CHMP3: variants seen among roughly 807,000 people sequenced by gnomAD.
CHMP3 encodes 25.1 protein.
CHMP3 carries 8 observed loss-of-function variants against 27.4 expected under a neutral mutation model. The observed-to-expected ratio is 0.29, with a 90% CI of 0.17 to 0.53. CHMP3 has a LOEUF of 0.53. Among genes scored for constraint, CHMP3 ranks in the 20% least tolerant of loss-of-function variants. The pLI, the probability that CHMP3 is intolerant of heterozygous loss-of-function variation, is 0.96. For synonymous variants in CHMP3, 86 were observed against 85.5 expected, an observed-to-expected ratio of 1.01 and a Z score of -0.03; for missense variants, 208 against 271.5, an observed-to-expected ratio of 0.77 and a Z score of 1.64.
At chr2:86,533,900 T>G (rs1399234320) in intron 2 of CHMP3, among the ~76,000 whole-genome samples, 3 of 152,230 alleles carry the variant, frequency 2.0e-5, no homozygotes, top group African/African-American at 7.2e-5. Flanking sequence ...TTTACTTGTC[T>G]GTAAGTATTT....
rs949384314 is a variant in CHMP3 at position 86,507,667 on chromosome 2, A to C, written c.409-74T>G. On this transcript the variant is annotated intron_variant, in intron 4 of 5. Coordinates refer to ENST00000263856, the MANE Select transcript of CHMP3 (RefSeq NM_016079.4). ...ATCAGACACCCTACACATCACCTAGACCGAGCTCTAGCCTAAGTCCAGTCT... is the reference window on the plus strand; with the variant it reads ...ATCAGACACCCTACACATCACCTAGCCCGAGCTCTAGCCTAAGTCCAGTCT... 1.5e-5 allele frequency: 20 copies of C among 1,315,782 alleles called. No individual in the cohort carries two copies. The Admixed American group carries it at 3.2e-4, about 21-fold the overall frequency. 81.5% of individuals were successfully genotyped at this position (1,315,782 alleles called of 1,614,324 possible). A position where few individuals can be genotyped will look rare whatever the true frequency, so the allele number is the denominator to read the frequency against.
chr2:86,559,328 C>T (rs576198099), intron 1 of CHMP3, among the ~76,000 whole-genome samples: 11 of 152,342 alleles, frequency 7.2e-5, no homozygotes, highest in Admixed American at 5.2e-4. Context: ...GCCTTCAACC[C>T]TGGACTGAGC....
intron 1 of CHMP3, among the ~76,000 whole-genome samples, chr2:86,545,323 C>T (rs556335325): frequency 4.8e-5 from 3 of 62,958 alleles, no homozygotes; most frequent in Non-Finnish European, 9.4e-5. Flanking sequence ...CGGGCAGAGG[C>T]GCTCCTCACC....
chr2:86,549,866 C>T (rs368402123), intron 1 of CHMP3, among the ~76,000 whole-genome samples: 4 of 149,758 alleles, frequency 2.7e-5, no homozygotes, highest in African/African-American at 7.4e-5. Flanking sequence ...ATGGGGCAGC[C>T]GGGCAGAGGC....
chr2:86,507,694 T>A (rs1382064437), intron 4 of CHMP3, 101 bp from the exon 5 acceptor site: 3 of 954,508 alleles, frequency 3.1e-6, no homozygotes, highest in Non-Finnish European at 5.0e-6. Flanking sequence ...GTCCAGTCTA[T>A]CCTTTCAAGA....
intron 1 of CHMP3, among the ~76,000 whole-genome samples, chr2:86,562,431 T>G (rs1351646211): frequency 3.3e-5 from 5 of 152,182 alleles, no homozygotes; most frequent in Non-Finnish European, 7.3e-5. Context: ...TCCCAGGTGA[T>G]GTTGATGCTG....
intron 3 of CHMP3, chr2:86,527,107 C>T (rs899557827): frequency 1.4e-4 from 21 of 151,544 alleles, no homozygotes; most frequent in Non-Finnish European, 2.2e-4. Flanking sequence ...TACAACAAAA[C>T]GTTAAATTGT....
chr2:86,546,737 C>T (rs974091461), intron 1 of CHMP3, among the ~76,000 whole-genome samples: 4 of 152,218 alleles, frequency 2.6e-5, no homozygotes, highest in East Asian at 1.9e-4. Context: ...TGCACCCAGC[C>T]GAAGTTGGAC....
chr2:86,549,938 C>T (rs1190008177), intron 1 of CHMP3, among the ~76,000 whole-genome samples: 2 of 151,910 alleles, frequency 1.3e-5, no homozygotes, highest in African/African-American at 2.4e-5. Context: ...AGACAATGGG[C>T]GGCTGGGCTG....
intron 2 of CHMP3, among the ~76,000 whole-genome samples, chr2:86,534,196 CTTTTTTT>C (rs33977886): frequency 6.0e-5 from 4 of 66,902 alleles, no homozygotes; most frequent in Admixed American, 4.4e-4. Flanking sequence ...TGCTTTATTT[CTTTTTTT>C]TTTTTTTTTT....
chr2:86,521,922 T>C (rs538122924), intron 3 of CHMP3, among the ~76,000 whole-genome samples: 1 of 152,348 alleles, frequency 6.6e-6, no homozygotes, highest in African/African-American at 2.4e-5. Context: ...TTTGAGTCCC[T>C]GCCTTCCATT....
intron 1 of CHMP3, among the ~76,000 whole-genome samples, chr2:86,558,858 T>C (rs973031377): frequency 6.8e-6 from 1 of 146,496 alleles, no homozygotes; most frequent in African/African-American, 2.7e-5. Context: ...GTATTTTCTT[T>C]CTCCCTTAAA....
Position 86,557,221 on chromosome 2 carries a change from A to G in CHMP3, c.45+6083T>C, listed in dbSNP as rs942054412. Among the ~76,000 whole-genome samples the G allele has an allele frequency of 5.3e-4, 81 of 152,134 alleles. 3 individuals carry two copies. The highest frequency in any genetic ancestry group is 1.2e-3 in the South Asian group (6 of 4,824). On this transcript the variant is annotated intron_variant, in intron 1 of 5. Coordinates refer to ENST00000263856, the MANE Select transcript of CHMP3 (RefSeq NM_016079.4). Reference sequence around the variant, plus strand: ...ATTTCAGCTCATGGCACTGCCATTCAGGGGGATGAACAGGTTTGACTGGGG... The same window carrying G: ...ATTTCAGCTCATGGCACTGCCATTCGGGGGGATGAACAGGTTTGACTGGGG...
At chr2:86,542,006 A>T (rs1183065535) in intron 2 of CHMP3, among the ~76,000 whole-genome samples, 1 of 152,168 alleles carries the variant, frequency 6.6e-6, no homozygotes, top group Non-Finnish European at 1.5e-5. Flanking sequence ...TGAATTCCAT[A>T]AAAGGCATTT....
intron 2 of CHMP3, among the ~76,000 whole-genome samples, chr2:86,535,934 T>C (rs1214895783): frequency 6.6e-6 from 1 of 152,210 alleles, no homozygotes; most frequent in African/African-American, 2.4e-5. Context: ...GACTACCTTT[T>C]ATTTCTTATT....
chr2:86,561,131 GCTT>G (rs1389475720), intron 1 of CHMP3, among the ~76,000 whole-genome samples: 6 of 152,140 alleles, frequency 3.9e-5, no homozygotes, highest in Admixed American at 6.5e-5. Context: ...AAGTTCTTTG[GCTT>G]CTTATTTCAC....
chr2:86,522,906 A>G (rs764333397), intron 3 of CHMP3, among the ~76,000 whole-genome samples: 18 of 152,164 alleles, frequency 1.2e-4, no homozygotes, highest in African/African-American at 1.7e-4. Flanking sequence ...CCCTTCATGC[A>G]TTCCTGTCAA....
At chr2:86,561,087 G>C (rs1312931834) in intron 1 of CHMP3, among the ~76,000 whole-genome samples, 1 of 152,172 alleles carries the variant, frequency 6.6e-6, no homozygotes, top group African/African-American at 2.4e-5. Flanking sequence ...ATCCAAACCA[G>C]CTCTTAAAAT....
chr2:86,523,148 A>G (rs1675576201), intron 3 of CHMP3, among the ~76,000 whole-genome samples: 1 of 152,136 alleles, frequency 6.6e-6, no homozygotes, highest in African/African-American at 2.4e-5. Context: ...CTCTCCAGCT[A>G]TCCCTCCCAC....
Sources: gnomAD v4.1 joint callset for allele counts (sites outside exome capture counted in the v4.1 genomes callset) on GRCh38, gnomAD v4.1.1 for gene constraint, MANE v1.5 for transcripts, NCBI Gene and HGNC (gene_info 2026-07-23, HGNC 2026-07-21) for gene names.